Variants in IGF2R observed in about 807,000 individuals in gnomAD.
IGF2R encodes insulin like growth factor 2 receptor.
In IGF2R, 91 loss-of-function variants were observed where a neutral mutation model predicts 270.6. That is an observed-to-expected ratio of 0.34 (90% CI 0.28 to 0.40). The LOEUF is 0.40. Ranked by LOEUF, IGF2R falls within the 10% of genes least tolerant of loss-of-function variation. IGF2R has a pLI of 1.00. For synonymous variants in IGF2R, 1,316 were observed against 1,258.9 expected (o/e 1.05, Z -0.96); for missense variants, 2,805 against 3,188.3 (o/e 0.88, Z 2.90).
intron 39 of IGF2R, among the ~76,000 whole-genome samples, chr6:160,083,199 A>G (rs1232032775): frequency 6.6e-6 from 1 of 152,234 alleles, no homozygotes; most frequent in Non-Finnish European, 1.5e-5. Context: ...TCTATATCAT[A>G]ATTAAGTTTA....
chr6:159,986,077 G>C (rs1220312555), intron 1 of IGF2R, among the ~76,000 whole-genome samples: 1 of 152,066 alleles, frequency 6.6e-6, no homozygotes, highest in Non-Finnish European at 1.5e-5. Context: ...AGCCGCTTCT[G>C]TGGGGGCCTT....
chr6:160,091,657 G>A (rs1779229973), intron 44 of IGF2R, among the ~76,000 whole-genome samples: 1 of 152,250 alleles, frequency 6.6e-6, no homozygotes, highest in Non-Finnish European at 1.5e-5. Flanking sequence ...TCTGTTCTCT[G>A]CCTTCCTCAC....
chr6:160,032,245 C>T (rs542566197), intron 7 of IGF2R, among the ~76,000 whole-genome samples: 2 of 151,942 alleles, frequency 1.3e-5, no homozygotes, highest in South Asian at 4.2e-4. Context: ...GCTTGCTGGC[C>T]GAAGCTTGAG....
chr6:160,002,126 C>G (rs779915987), intron 2 of IGF2R, among the ~76,000 whole-genome samples: 58 of 152,262 alleles, frequency 3.8e-4, no homozygotes, highest in Non-Finnish European at 6.8e-4. Context: ...TGTGGTGGCT[C>G]ACACCTGTAA....
chr6:160,100,180 G>T (rs186128585), intron 45 of IGF2R, among the ~76,000 whole-genome samples: 128 of 152,244 alleles, frequency 8.4e-4, no homozygotes, highest in African/African-American at 3.0e-3. Flanking sequence ...AGTATAGCTT[G>T]ACTAAACTTG....
chr6:160,104,199 T>C (rs1472248759), intron 47 of IGF2R, among the ~76,000 whole-genome samples: 1 of 152,162 alleles, frequency 6.6e-6, no homozygotes, highest in African/African-American at 2.4e-5. Context: ...AAGGACATAA[T>C]GTTTGTGGTC....
At chr6:160,028,919 A>T (rs1274322115) in intron 6 of IGF2R, among the ~76,000 whole-genome samples, 3 of 151,384 alleles carry the variant, frequency 2.0e-5, no homozygotes, top group African/African-American at 2.4e-5. Flanking sequence ...AAAAAAAATA[A>T]TTTTTTTGTT....
chr6:160,011,799 C>T (rs573379758), intron 4 of IGF2R, among the ~76,000 whole-genome samples: 4 of 152,118 alleles, frequency 2.6e-5, no homozygotes, highest in African/African-American at 9.6e-5. Context: ...ATGCCCACCA[C>T]CCCAGATCCT....
chr6:160,083,921 T>C, intron 39 of IGF2R, 29 bp from the exon 40 acceptor site: 1 of 1,441,056 alleles, frequency 6.9e-7, no homozygotes, highest in South Asian at 1.1e-5. Flanking sequence ...GACAGTCTGA[T>C]CTCTCTCTCT....
At chr6:159,992,367 AC>A (rs1005245421) in intron 2 of IGF2R, among the ~76,000 whole-genome samples, 11 of 151,868 alleles carry the variant, frequency 7.2e-5, no homozygotes, top group African/African-American at 2.7e-4. Flanking sequence ...CTAATTCCTC[AC>A]CCCCCAACCT....
Position 160,105,586 on chromosome 6 carries a change from C to T in IGF2R, c.*502C>T, listed in dbSNP as rs576503225. 1 of 155,122 alleles carries T rather than the reference C, an allele frequency of 6.4e-6. No individual in the cohort carries two copies. Among genetic ancestry groups the T allele is most frequent in the Non-Finnish European group, 1.4e-5 (1 of 69,796 alleles). 9.6% of individuals were successfully genotyped at this position (155,122 alleles called of 1,614,324 possible). On this transcript the variant is annotated 3_prime_UTR_variant, in exon 48 of 48. Transcript: ENST00000356956. Reference sequence around the variant, plus strand: ...GTCCATCTTGAGATGGTGAGGCTGTCAGTGTATGGGGCAGCTTCCGGCGGG... The same window carrying T: ...GTCCATCTTGAGATGGTGAGGCTGTTAGTGTATGGGGCAGCTTCCGGCGGG...
intron 26 of IGF2R, 80 bp from the exon 27 acceptor site, chr6:160,063,335 C>A: frequency 1.8e-6 from 2 of 1,142,140 alleles, no homozygotes; most frequent in Non-Finnish European, 2.6e-6. Flanking sequence ...CTGCGCCCGG[C>A]CATTTGTAAA....
intron 1 of IGF2R, among the ~76,000 whole-genome samples, chr6:159,979,142 G>T (rs1409496891): frequency 6.6e-6 from 1 of 152,180 alleles, no homozygotes; most frequent in Non-Finnish European, 1.5e-5. Context: ...GGAGGAGAGA[G>T]CTCCTTCAGA....
At chr6:160,045,389 C>T (rs964161481) in intron 13 of IGF2R, among the ~76,000 whole-genome samples, 3 of 152,142 alleles carry the variant, frequency 2.0e-5, no homozygotes, top group Non-Finnish European at 2.9e-5. Context: ...TACAACATAA[C>T]GTAAAATGTA....
At chr6:159,978,561 G>A (rs1229875720) in intron 1 of IGF2R, among the ~76,000 whole-genome samples, 1 of 152,112 alleles carries the variant, frequency 6.6e-6, no homozygotes, top group Non-Finnish European at 1.5e-5. Context: ...GGAGGGTGGA[G>A]GAATGGGTGC....
At chr6:159,981,338 AGT>A (rs138044623) in intron 1 of IGF2R, among the ~76,000 whole-genome samples, 2 of 150,650 alleles carry the variant, frequency 1.3e-5, no homozygotes, top group African/African-American at 2.4e-5. Flanking sequence ...TGTGTGTCTG[AGT>A]GTGTGTGTGT....
chr6:160,106,833 A>C lies in IGF2R; in HGVS notation c.*1749A>C, dbSNP rs971933488. On this transcript the variant is annotated 3_prime_UTR_variant, in exon 48 of 48. Transcript: ENST00000356956. ...GGTCCTGTTCATCAAAACAATGAAC[A>C]TGGAGTTTAGAGTCCAGTGAGTCAA... The C allele has an allele frequency of 2.0e-4, 31 of 152,172 alleles. No individual in the cohort carries two copies. The highest frequency in any genetic ancestry group is 1.8e-3 in the Admixed American group (28 of 15,274). The allele number at this position is 152,172 out of a possible 1,614,324, so 9.4% of individuals were successfully genotyped here.
intron 10 of IGF2R, among the ~76,000 whole-genome samples, chr6:160,035,750 A>G (rs1044053342): frequency 6.6e-6 from 1 of 152,234 alleles, no homozygotes; most frequent in African/African-American, 2.4e-5. Context: ...GACTAGCAGC[A>G]GAGAGAGATA....
intron 19 of IGF2R, among the ~76,000 whole-genome samples, chr6:160,055,637 G>A (rs941376144): frequency 6.6e-6 from 1 of 152,194 alleles, no homozygotes; most frequent in South Asian, 2.1e-4. Context: ...TGTGGACTCA[G>A]TGTTAGTGGC....
Sources: allele counts gnomAD v4.1 joint callset (sites outside exome capture counted in the v4.1 genomes callset), GRCh38; gene constraint gnomAD v4.1.1; transcripts MANE v1.5; gene names NCBI Gene and HGNC (gene_info 2026-07-23, HGNC 2026-07-21).